The following PLEKHA6 variants were observed in gnomAD, a reference collection of about 807,000 sequenced individuals.
PLEKHA6 encodes the protein pleckstrin homology domain-containing family A member 6.
In PLEKHA6, 60 loss-of-function variants were observed where a neutral mutation model predicts 116.7. That is an observed-to-expected ratio of 0.51 (90% CI 0.42 to 0.64). PLEKHA6 has a LOEUF of 0.64. PLEKHA6 is among the 30% of genes least tolerant of loss of function. The pLI is 0.00. For synonymous variants in PLEKHA6, 489 were observed against 556.1 expected, an observed-to-expected ratio of 0.88 and a Z score of 1.70; for missense variants, 1,338 against 1,422.7, an observed-to-expected ratio of 0.94 and a Z score of 0.96.
chr1:204,296,570 T>A (rs1349830284), intron 1 of PLEKHA6, among the ~76,000 whole-genome samples: 1 of 151,904 alleles, frequency 6.6e-6, no homozygotes, highest in Non-Finnish European at 1.5e-5. Flanking sequence ...GCCAGAAGGG[T>A]GAAACCACAG....
At chr1:204,264,100 C>T (rs1666488768) in intron 6 of PLEKHA6, among the ~76,000 whole-genome samples, 1 of 152,046 alleles carries the variant, frequency 6.6e-6, no homozygotes, top group South Asian at 2.1e-4. Flanking sequence ...GGGTCTTGGA[C>T]AGCAATTGTC....
At chr1:204,362,080 G>C (rs190280272), upstream of PLEKHA6, among the ~76,000 whole-genome samples, 549 of 152,334 alleles carry the variant, frequency 3.6e-3, 1 homozygote, top group Non-Finnish European at 6.4e-3. Context: ...AGCTTCAGGG[G>C]CATGAGAAGC....
At chr1:204,269,689 C>A (rs1393186897) in intron 3 of PLEKHA6, among the ~76,000 whole-genome samples, 1 of 152,136 alleles carries the variant, frequency 6.6e-6, no homozygotes, top group Non-Finnish European at 1.5e-5. Flanking sequence ...ACTGTCCTTA[C>A]ACTATCTTTG....
At chr1:204,227,528 G>A (rs16853122) in intron 21 of PLEKHA6, among the ~76,000 whole-genome samples, 4,054 of 152,240 alleles carry the variant, frequency 0.027, 152 homozygotes, top group Admixed American at 0.076. Context: ...TTGTATCAGC[G>A]TGAAGTCAGT....
At position 204,223,032 on chromosome 1, in the gene PLEKHA6, T is replaced by A. The variant is rs558034084; in HGVS notation, c.*9-253A>T. ...CCGTAGTTGTCAATGTTATTTTAAT[T>A]TACAGTAAGATCTGGGAGTGGAGAA... On this transcript the variant is annotated intron_variant, in intron 22 of 22. Coordinates refer to ENST00000272203, the MANE Select transcript of PLEKHA6 (RefSeq NM_014935.5). This position sits in a 1 kb window ranked among gnomAD's most constrained non-coding sequence, Gnocchi z 4.8. Among the ~76,000 whole-genome samples the A allele has an allele frequency of 6.6e-6, 1 of 152,294 alleles. No individual in the cohort carries two copies. Among genetic ancestry groups the A allele is most frequent in the South Asian group, 2.1e-4 (1 of 4,824 alleles).
Position 204,261,845 on chromosome 1 carries a change from T to G in PLEKHA6, c.382-397A>C. On this transcript the variant is annotated intron_variant, in intron 6 of 22. Coordinates refer to ENST00000272203, the MANE Select transcript of PLEKHA6 (RefSeq NM_014935.5). This position sits in a 1 kb window ranked among gnomAD's most constrained non-coding sequence, Gnocchi z 4.0. Reference sequence around the variant, plus strand: ...GGACCCCCTGAGCACATGCCAATCTTAGCCCCAGCTTCACTGCTGAGAAGC... The same window carrying G: ...GGACCCCCTGAGCACATGCCAATCTGAGCCCCAGCTTCACTGCTGAGAAGC... 1 of 307,392 alleles carries G rather than the reference T, an allele frequency of 3.3e-6. No individual in the cohort carries two copies. Among genetic ancestry groups the G allele is most frequent in the Non-Finnish European group, 6.0e-6 (1 of 167,440 alleles). 19.0% of individuals were successfully genotyped at this position (307,392 alleles called of 1,614,324 possible).
At chr1:204,274,063 A>T (rs911852049) in intron 2 of PLEKHA6, among the ~76,000 whole-genome samples, 1 of 152,130 alleles carries the variant, frequency 6.6e-6, no homozygotes, top group Admixed American at 6.5e-5. Flanking sequence ...CTTCCAGAGT[A>T]GATGGGACCA....
intron 17 of PLEKHA6, among the ~76,000 whole-genome samples, chr1:204,234,998 ATATATATATATATATC>A (rs1206016800): frequency 2.0e-3 from 47 of 23,494 alleles, no homozygotes; most frequent in Non-Finnish European, 3.1e-3. Context: ...ATATATATAT[ATATATATATATATATC>A]TAATAGCAGA....
At position 204,261,154 on chromosome 1, in the gene PLEKHA6, A is replaced by G. The variant is rs1038588728; in HGVS notation, c.524+152T>C. On this transcript the variant is annotated intron_variant, in intron 7 of 22. Transcript: ENST00000272203. The surrounding 1 kb of genome is among the most constrained non-coding windows in gnomAD (Gnocchi z 4.0). ...CTTCAGGCTCTGAAATCACTCAGCC[A>G]GGCCTCCCGCCTGGATGCAAGGAGA... 4 of 861,752 alleles carry G rather than the reference A, an allele frequency of 4.6e-6. No homozygotes were observed. In the African/African-American group the frequency reaches 6.7e-5, roughly 14 times the overall value. 53.4% of individuals were successfully genotyped at this position (861,752 alleles called of 1,614,324 possible). A position where few individuals can be genotyped will look rare whatever the true frequency, so the allele number is the denominator to read the frequency against.
intron 1 of PLEKHA6, among the ~76,000 whole-genome samples, chr1:204,377,213 G>C (rs933689564): frequency 6.6e-6 from 1 of 152,038 alleles, no homozygotes; most frequent in Non-Finnish European, 1.5e-5. Context: ...GGAAAGTCTC[G>C]GGGAAAATGA....
At chr1:204,290,153 C>T (rs528376264) in intron 1 of PLEKHA6, among the ~76,000 whole-genome samples, 133 of 152,322 alleles carry the variant, frequency 8.7e-4, no homozygotes, top group African/African-American at 3.2e-3. Context: ...CCAACCAAAA[C>T]CCTAGCAGAT....
intron 17 of PLEKHA6, among the ~76,000 whole-genome samples, chr1:204,236,264 A>G (rs1662036224): frequency 6.6e-6 from 1 of 152,198 alleles, no homozygotes; most frequent in African/African-American, 2.4e-5. Context: ...GGTTAGCTGA[A>G]ATATGGATAA....
At chr1:204,283,789 A>T (rs1043588195) in intron 1 of PLEKHA6, among the ~76,000 whole-genome samples, 25 of 152,210 alleles carry the variant, frequency 1.6e-4, no homozygotes, top group Non-Finnish European at 2.6e-4. Flanking sequence ...ACTGTGTGTG[A>T]TGTGGGCTGG....
chr1:204,334,508 G>T (rs1160554024), intron 1 of PLEKHA6, among the ~76,000 whole-genome samples: 3 of 152,172 alleles, frequency 2.0e-5, no homozygotes, highest in Admixed American at 2.0e-4. Context: ...GCGATGGTTT[G>T]ATACATGTAT....
upstream of PLEKHA6, among the ~76,000 whole-genome samples, chr1:204,362,025 G>A (rs370634276): frequency 3.3e-5 from 5 of 152,186 alleles, no homozygotes; most frequent in East Asian, 1.9e-4. Context: ...CGGATCCTTC[G>A]AGAAGCCTGA....
intron 1 of PLEKHA6, among the ~76,000 whole-genome samples, chr1:204,327,698 C>G (rs940768248): frequency 6.6e-6 from 1 of 152,258 alleles, no homozygotes; most frequent in South Asian, 2.1e-4. Flanking sequence ...GCACAGCCAC[C>G]TGGCTCTCTA....
rs1380236208 is a variant in PLEKHA6, at chr1:204,223,519, G to A, written c.3098C>T (p.Ser1033Leu). The change falls in exon 22 of 23, where the codon TCG (serine) becomes TTG (leucine). Residue 1033 changes from serine (S) to leucine (L), a missense_variant. This residue lies in a region of PLEKHA6 where 1,136 missense variants were observed against 1,163.6 expected (regional missense o/e 0.98). Coordinates refer to ENST00000272203, the MANE Select transcript of PLEKHA6 (RefSeq NM_014935.5). This position sits in a 1 kb window ranked among gnomAD's most constrained non-coding sequence, Gnocchi z 4.8. Reference sequence around the variant, plus strand: ...GTCGGCGCCCCGTGGGGATTCAGACGACAGGGGGTTTGCTGGAGGAGCCGG... The same window carrying A: ...GTCGGCGCCCCGTGGGGATTCAGACAACAGGGGGTTTGCTGGAGGAGCCGG... Reference protein sequence around the residue: ...ASPAPPANPLSSESPRGADSS... With the variant: ...ASPAPPANPLLSESPRGADSS... 8 of 1,550,660 alleles carry A rather than the reference G, an allele frequency of 5.2e-6. No individual in the cohort carries two copies. Among genetic ancestry groups the A allele is most frequent in the East Asian group, 2.4e-5 (1 of 40,926 alleles).
intron 1 of PLEKHA6, among the ~76,000 whole-genome samples, chr1:204,302,177 TC>T (rs1670888976): frequency 6.6e-6 from 1 of 152,140 alleles, no homozygotes; most frequent in Middle Eastern, 3.2e-3. Flanking sequence ...CAAATTCAAT[TC>T]CCTCATGTTA....
intron 1 of PLEKHA6, among the ~76,000 whole-genome samples, chr1:204,337,141 T>C (rs1433092606): frequency 1.3e-5 from 2 of 152,210 alleles, no homozygotes; most frequent in Non-Finnish European, 2.9e-5. Flanking sequence ...TTCTGGCAAC[T>C]CTATGCCATA....
Sources: allele counts gnomAD v4.1 joint callset (sites outside exome capture counted in the v4.1 genomes callset), GRCh38; gene constraint gnomAD v4.1.1; regional missense constraint gnomAD v4.1.1; non-coding constraint Gnocchi (gnomAD v3.1); transcripts MANE v1.5; gene names NCBI Gene and HGNC (gene_info 2026-07-23, HGNC 2026-07-21).